OR3A2: variants seen among roughly 807,000 people sequenced by gnomAD.
The protein encoded by OR3A2 is olfactory receptor family 3 subfamily A member 2, also known as olfactory receptor 3A2.
For synonymous variants in OR3A2, 126 were observed against 159.3 expected, an observed-to-expected ratio of 0.79 and a Z score of 1.57; for missense variants, 318 against 392.8, an observed-to-expected ratio of 0.81 and a Z score of 1.61.
intron 2 of OR3A2, among the ~76,000 whole-genome samples, chr17:3,348,463 G>A (rs1361844703): frequency 6.6e-6 from 1 of 152,128 alleles, no homozygotes; most frequent in East Asian, 1.9e-4. Context: ...AATGAAGCGA[G>A]AAGGGAAGTT....
At position 3,348,150 on chromosome 17, in the gene OR3A2, T is replaced by C. The variant is rs557612749; in HGVS notation, c.-178-12024A>G. Among the ~76,000 whole-genome samples the C allele has an allele frequency of 4.6e-5, 7 of 152,248 alleles. No individual in the cohort carries two copies. In the East Asian group the frequency reaches 7.7e-4, roughly 17 times the overall value. On this transcript the variant is annotated intron_variant, in intron 2 of 4. Coordinates refer to the OR3A2 transcript ENST00000573491. ...ATTGTAGATTCTGGATATTAGCCCGTTGTCAGATGAGTAGGTTGTGAAAAT... is the reference window on the plus strand; with the variant it reads ...ATTGTAGATTCTGGATATTAGCCCGCTGTCAGATGAGTAGGTTGTGAAAAT...
At chr17:3,337,448 C>T (rs879606588) in intron 2 of OR3A2, among the ~76,000 whole-genome samples, 24 of 152,074 alleles carry the variant, frequency 1.6e-4, no homozygotes, top group Non-Finnish European at 3.2e-4. Context: ...CGAGAGGCCC[C>T]GGTGTGTGAT....
rs1429072041 is a variant in OR3A2 at position 3,306,694 on chromosome 17, A to AAAAAAC, written c.-84-27542_-84-27541insGTTTTT. On this transcript the variant is annotated intron_variant, in intron 3 of 4. Coordinates refer to the OR3A2 transcript ENST00000573491. The stretch of plus-strand genomic sequence containing the variant: ...TACTACTCTTCAAAAAAAAAAAAAA[A>AAAAAAC]ACCGTAACCCCTTTTATTTTCTCCA... Among the ~76,000 whole-genome samples the AAAAAAC allele has an allele frequency of 7.6e-5, 9 of 118,244 alleles. 2 individuals carry two copies. Among genetic ancestry groups the AAAAAAC allele is most frequent in the Middle Eastern group, 4.5e-3 (1 of 224 alleles). The allele number at this position is 118,244 out of a possible 152,430, so 77.6% of individuals were successfully genotyped here.
chr17:3,338,738 T>C (rs141416863), intron 2 of OR3A2, among the ~76,000 whole-genome samples: 2,920 of 152,304 alleles, frequency 0.019, 40 homozygotes, highest in Non-Finnish European at 0.031. Flanking sequence ...TGCTTAGGAT[T>C]CTCTTGGCAA....
chr17:3,363,768 G>T (rs2049539421), intron 2 of OR3A2, among the ~76,000 whole-genome samples: 1 of 152,162 alleles, frequency 6.6e-6, no homozygotes, highest in Non-Finnish European at 1.5e-5. Flanking sequence ...TCATAGTTCT[G>T]CAGGCTTAGC....
intron 3 of OR3A2, among the ~76,000 whole-genome samples, chr17:3,331,345 G>A (rs912457442): frequency 5.9e-5 from 9 of 152,032 alleles, no homozygotes; most frequent in Non-Finnish European, 1.2e-4. Flanking sequence ...ATCACTTTCA[G>A]GTACACCAAT....
Position 3,279,172 on chromosome 17 carries a change from T to C in OR3A2, c.-6-249A>G. 1 of 614,178 alleles carries C rather than the reference T, an allele frequency of 1.6e-6. No individual in the cohort carries two copies. The highest frequency in any genetic ancestry group is 2.9e-5 in the East Asian group (1 of 35,030). 38.0% of individuals were successfully genotyped at this position (614,178 alleles called of 1,614,324 possible). On this transcript the variant is annotated intron_variant, in intron 1 of 1. Transcript: ENST00000642052. ...AGAATACCTGGAACAACATGAGAAC[T>C]ATAGTTAATAAAGTGTATTGCATTC...
chr17:3,307,481 T>C (rs2049007888), intron 3 of OR3A2, among the ~76,000 whole-genome samples: 1 of 152,120 alleles, frequency 6.6e-6, no homozygotes, highest in African/African-American at 2.4e-5. Flanking sequence ...TTAATGAGAG[T>C]CAGTGAGAAT....
At chr17:3,297,275 T>A (rs2048926494) in intron 3 of OR3A2, among the ~76,000 whole-genome samples, 1 of 152,232 alleles carries the variant, frequency 6.6e-6, no homozygotes, top group Non-Finnish European at 1.5e-5. Flanking sequence ...AAATACTCTG[T>A]GAATTGACAT....
chr17:3,381,969 A>G (rs1352058387), intron 2 of OR3A2, among the ~76,000 whole-genome samples: 1 of 152,216 alleles, frequency 6.6e-6, no homozygotes. Flanking sequence ...AACAAAAAAC[A>G]GAAAAGAAAT....
intron 2 of OR3A2, among the ~76,000 whole-genome samples, chr17:3,367,601 G>GTATATATAATATATATA (rs2049575498): frequency 3.3e-5 from 4 of 122,536 alleles, no homozygotes; most frequent in African/African-American, 7.1e-5. Context: ...GTGTGTGTGT[G>GTATATATAATATATATA]TATATATATA....
chr17:3,383,986 A>AT (rs1447709709), intron 1 of OR3A2: 5 of 40,164 alleles, frequency 1.2e-4, no homozygotes, highest in Admixed American at 3.0e-4. Context: ...TTGAATAAAT[A>AT]TTGTATACAA....
chr17:3,324,369 A>C (rs1567554887), intron 3 of OR3A2, among the ~76,000 whole-genome samples: 1 of 152,014 alleles, frequency 6.6e-6, no homozygotes, highest in Non-Finnish European at 1.5e-5. Flanking sequence ...CATCAAAGTC[A>C]TTCTCCGTCC....
intron 2 of OR3A2, among the ~76,000 whole-genome samples, chr17:3,338,614 T>A (rs1293803608): frequency 6.6e-6 from 1 of 152,166 alleles, no homozygotes; most frequent in Non-Finnish European, 1.5e-5. Flanking sequence ...GCCTCTGTTG[T>A]GTTCCATTGG....
intron 2 of OR3A2, among the ~76,000 whole-genome samples, chr17:3,372,950 C>T (rs973910472): frequency 1.1e-4 from 17 of 149,070 alleles, no homozygotes; most frequent in African/African-American, 4.2e-4. Flanking sequence ...ATGCTATGAA[C>T]TTTCCTCTTA....
At chr17:3,342,333 G>A (rs1235247262) in intron 2 of OR3A2, among the ~76,000 whole-genome samples, 2 of 152,180 alleles carry the variant, frequency 1.3e-5, no homozygotes, top group African/African-American at 4.8e-5. Flanking sequence ...CAATCCTTTG[G>A]AGGAGAAGAG....
At position 3,289,911 on chromosome 17, in the gene OR3A2, G is replaced by A. The variant is rs529764859; in HGVS notation, c.-84-10758C>T. ...TCTTTTTCCTGTGTCTATTGACGCC[G>A]TCAGCCAGCATGACTCAAAAGGTAG... is the stretch of plus-strand genomic sequence containing the variant. On this transcript the variant is annotated intron_variant, in intron 3 of 4. Transcript: ENST00000573491. Among the ~76,000 whole-genome samples, 8 of 152,204 alleles carry A rather than the reference G, an allele frequency of 5.3e-5. No homozygotes were observed. The South Asian group carries it at 1.5e-3, about 28-fold the overall frequency.
At chr17:3,349,634 G>C (rs534161506) in intron 2 of OR3A2, among the ~76,000 whole-genome samples, 28 of 151,964 alleles carry the variant, frequency 1.8e-4, no homozygotes, top group African/African-American at 6.5e-4. Context: ...GAGACAGAAA[G>C]TCAACAAGGA....
At chr17:3,372,399 G>A (rs568679060) in intron 2 of OR3A2, among the ~76,000 whole-genome samples, 4 of 151,878 alleles carry the variant, frequency 2.6e-5, no homozygotes, top group East Asian at 2.0e-4. Flanking sequence ...AGACAGAGAC[G>A]CTCCTCACTT....
Sources: allele counts gnomAD v4.1 joint callset (sites outside exome capture counted in the v4.1 genomes callset), GRCh38; gene constraint gnomAD v4.1.1; transcripts MANE v1.5; gene names NCBI Gene and HGNC (gene_info 2026-07-23, HGNC 2026-07-21).